ZPBP: variants seen among roughly 807,000 people sequenced by gnomAD.
ZPBP encodes the protein zona pellucida binding protein, also known as zona pellucida-binding protein 1.
ZPBP carries 26 observed loss-of-function variants against 44.8 expected under a neutral mutation model. That is an observed-to-expected ratio of 0.58 (90% confidence interval 0.43 to 0.81). The LOEUF is 0.81. Among genes scored for constraint, ZPBP ranks in the 30% least tolerant of loss-of-function variants. The pLI is 0.00. For synonymous variants in ZPBP, 174 were observed against 153.2 expected (o/e 1.14, Z -1.00); for missense variants, 409 against 434.0 (o/e 0.94, Z 0.51).
At chr7:49,979,868 A>G (rs1458089959) in intron 7 of ZPBP, among the ~76,000 whole-genome samples, 7 of 112,836 alleles carry the variant, frequency 6.2e-5, no homozygotes, top group Admixed American at 3.3e-4. Context: ...AATATAATAT[A>G]ATATATTATA....
intron 1 of ZPBP, among the ~76,000 whole-genome samples, chr7:50,091,768 G>T (rs1439470486): frequency 6.6e-6 from 1 of 152,104 alleles, no homozygotes; most frequent in Non-Finnish European, 1.5e-5. Flanking sequence ...AATGTGATGG[G>T]CATAATAGTG....
chr7:50,036,527 A>G (rs775790891), intron 4 of ZPBP, among the ~76,000 whole-genome samples: 1 of 152,218 alleles, frequency 6.6e-6, no homozygotes, highest in Non-Finnish European at 1.5e-5. Context: ...CAAAACACAA[A>G]ACTTCAACAT....
intron 4 of ZPBP, among the ~76,000 whole-genome samples, chr7:50,054,322 A>C (rs1340073473): frequency 6.6e-6 from 1 of 152,226 alleles, no homozygotes; most frequent in African/African-American, 2.4e-5. Flanking sequence ...GGTAGAAATT[A>C]CTTAAAGCAT....
intron 7 of ZPBP, among the ~76,000 whole-genome samples, chr7:49,963,387 C>T (rs1795936409): frequency 6.6e-6 from 1 of 151,678 alleles, no homozygotes; most frequent in African/African-American, 2.4e-5. Flanking sequence ...TATGTATTTA[C>T]TCAAGAGAAA....
intron 2 of ZPBP, among the ~76,000 whole-genome samples, chr7:49,869,433 G>A (rs994059108): frequency 6.6e-6 from 1 of 152,134 alleles, no homozygotes; most frequent in Admixed American, 6.5e-5. Context: ...ACAAATCAAA[G>A]CCTACACTAG....
chr7:50,061,487 G>C (rs1232983537), intron 3 of ZPBP, among the ~76,000 whole-genome samples: 1 of 152,272 alleles, frequency 6.6e-6, no homozygotes, highest in East Asian at 1.9e-4. Context: ...GATCATTTGA[G>C]GCCATGAGTT....
intron 1 of ZPBP, chr7:49,918,331 G>C (rs1178710089): frequency 6.6e-6 from 1 of 152,140 alleles, no homozygotes; most frequent in African/African-American, 2.4e-5. Flanking sequence ...GGGACCTCTA[G>C]AAAATAGACA....
rs868310602 is a variant in ZPBP at position 50,048,894 on chromosome 7, A to G, written c.487+9095T>C. Among the ~76,000 whole-genome samples, 9 of 152,136 alleles carry G rather than the reference A, an allele frequency of 5.9e-5. 1 individual carries two copies. The highest frequency in any genetic ancestry group is 6.8e-3 in the Middle Eastern group (2 of 294). On this transcript the variant is annotated intron_variant, in intron 4 of 7. Transcript: ENST00000046087. The stretch of plus-strand genomic sequence containing the variant: ...AATAGTGAAAATCAATGAAACCAAG[A>G]CCAGTTTTTTAAGAAATCAACAGAA...
At chr7:49,956,732 A>G (rs1237748474) in intron 7 of ZPBP, among the ~76,000 whole-genome samples, 4 of 152,184 alleles carry the variant, frequency 2.6e-5, no homozygotes, top group Non-Finnish European at 5.9e-5. Flanking sequence ...ATATTGAGCT[A>G]TAAGTTTAAT....
chr7:49,887,161 G>A (rs897354019), intron 2 of ZPBP, among the ~76,000 whole-genome samples: 2 of 152,094 alleles, frequency 1.3e-5, no homozygotes, highest in Non-Finnish European at 2.9e-5. Context: ...TATCCTGATC[G>A]ATGATGATTT....
At position 50,065,318 on chromosome 7, in the gene ZPBP, T is replaced by C. The variant is rs1044297539; in HGVS notation, c.335-7177A>G. Reference sequence around the variant, plus strand: ...GATCTAATACAGGCCAGAGGGTGCCTTCCAAGCATTTGGAGCCTCTAGTTG... The same window carrying C: ...GATCTAATACAGGCCAGAGGGTGCCCTCCAAGCATTTGGAGCCTCTAGTTG... On this transcript the variant is annotated intron_variant, in intron 3 of 7. Coordinates refer to ENST00000046087, the MANE Select transcript of ZPBP (RefSeq NM_007009.3). 4.6e-5 allele frequency among the ~76,000 whole-genome samples: 7 copies of C among 150,906 alleles called. 1 individual carries two copies. Among genetic ancestry groups the C allele is most frequent in the Non-Finnish European group, 3.0e-5 (2 of 67,786 alleles).
At chr7:50,004,841 G>A (rs1443929277) in intron 6 of ZPBP, among the ~76,000 whole-genome samples, 1 of 151,946 alleles carries the variant, frequency 6.6e-6, no homozygotes, top group African/African-American at 2.4e-5. Context: ...AAGCATTATG[G>A]GAATCCAAGG....
chr7:50,089,558 T>A, intron 2 of ZPBP, 71 bp downstream of exon 2: 1 of 1,145,260 alleles, frequency 8.7e-7, no homozygotes, highest in African/African-American at 1.5e-5. Flanking sequence ...ATTAGCCTTT[T>A]GGAGAAGACT....
chr7:50,029,087 G>T (rs1799475196), intron 5 of ZPBP, among the ~76,000 whole-genome samples: 1 of 152,116 alleles, frequency 6.6e-6, no homozygotes, highest in Admixed American at 6.5e-5. Context: ...TTTCAAAAGT[G>T]CCACAAATCA....
chr7:49,878,073 C>T (rs147886805), intron 2 of ZPBP, among the ~76,000 whole-genome samples: 7 of 152,080 alleles, frequency 4.6e-5, no homozygotes, highest in African/African-American at 9.6e-5. Flanking sequence ...TTTCAGTGAC[C>T]GCTCCAGCTG....
At chr7:49,981,017 A>G (rs78182689) in intron 7 of ZPBP, among the ~76,000 whole-genome samples, 7,209 of 150,942 alleles carry the variant, frequency 0.048, 175 homozygotes, top group Middle Eastern at 0.066. Context: ...TTATTTAAAT[A>G]TATGAACTTT....
chr7:49,910,920 GT>G (rs1447673423), intron 1 of ZPBP, among the ~76,000 whole-genome samples: 5 of 152,170 alleles, frequency 3.3e-5, no homozygotes, highest in African/African-American at 1.2e-4. Context: ...TGCAAACAGT[GT>G]TTTCAACAGC....
chr7:49,887,270 A>T lies in ZPBP; in HGVS notation n.509+13848T>A, dbSNP rs1791943505. Among the ~76,000 whole-genome samples the T allele has an allele frequency of 2.6e-5, 4 of 151,438 alleles. No homozygotes were observed. The South Asian group carries it at 6.2e-4, about 24-fold the overall frequency. On this transcript the variant is annotated intron_variant and non_coding_transcript_variant, in intron 2 of 2. Transcript: ENST00000465922. ...ATTAGTGGCTCTGTGTGTGATTCTT[A>T]GCAATTTCTCAGCAGCAATTTTGAC...
intron 7 of ZPBP, among the ~76,000 whole-genome samples, chr7:49,970,856 TAATAAATAAATAAATA>T (rs148724446): frequency 2.6e-4 from 37 of 142,588 alleles, no homozygotes; most frequent in Non-Finnish European, 2.6e-4. Context: ...CTCTACAAAA[TAATAAATAAATAAATA>T]AATAAATAAA....
Sources: gnomAD v4.1 joint callset for allele counts (sites outside exome capture counted in the v4.1 genomes callset) on GRCh38, gnomAD v4.1.1 for gene constraint, MANE v1.5 for transcripts, NCBI Gene and HGNC (gene_info 2026-07-23, HGNC 2026-07-21) for gene names.